Variants in IMPG2 observed in about 807,000 individuals in gnomAD.
IMPG2 encodes the protein IPM 200.
In IMPG2, 91 loss-of-function variants were observed where a neutral mutation model predicts 129.2. The ratio of observed to expected loss-of-function variants is 0.70; its 90% CI spans 0.59 to 0.84. The LOEUF (loss-of-function observed/expected upper bound fraction) is 0.84. Among genes scored for constraint, IMPG2 ranks in the 40% least tolerant of loss-of-function variants. The pLI, the probability that IMPG2 is intolerant of heterozygous loss-of-function variation, is 0.00. For synonymous variants in IMPG2, 510 were observed against 517.7 expected (o/e 0.99, Z 0.20); for missense variants, 1,430 against 1,461.7 (o/e 0.98, Z 0.35).
chr3:101,244,727 G>C lies in IMPG2; in HGVS notation c.1604C>G (p.Ser535Ter), dbSNP rs773283880. 1 of 1,613,840 alleles carries C rather than the reference G, an allele frequency of 6.2e-7. No individual in the cohort carries two copies. The highest frequency in any genetic ancestry group is 8.5e-7 in the Non-Finnish European group (1 of 1,179,926). ...TTCTTTTGGCACAGGTTGAGTGAAT[G>C]AACTTGAAGGCAATGAATCAATAGA... ...FLSIDSLPSS[S>*]FTQPVPKETI... The change falls in exon 13 of 19, where the codon TCA becomes TGA. Residue 535 changes from serine (S) to a stop codon, truncating the protein, a stop_gained. Transcript: ENST00000193391. LOFTEE classifies it high-confidence loss of function.
At position 101,276,678 on chromosome 3, in the gene IMPG2, G is replaced by A; in HGVS notation, c.569C>T (p.Thr190Ile). 3 of 1,608,616 alleles carry A rather than the reference G, an allele frequency of 1.9e-6. No homozygotes were observed. The South Asian group carries it at 3.3e-5, about 18-fold the overall frequency. ...CAAAAGTATACCTCCCAATGTTGAA[G>A]TATCACCAACAGGAACTGGAGAAGA... Reference protein sequence around the residue: ...ELSSPVPVGDTSTLGDTTLSV... With the variant: ...ELSSPVPVGDISTLGDTTLSV... Residue 190 changes from threonine to isoleucine, a missense_variant, in exon 5 of 19, where the codon ACT becomes ATT. Transcript: ENST00000193391.
At position 101,287,341 on chromosome 3, in the gene IMPG2, A is replaced by G. The variant is rs561644341; in HGVS notation, c.533+4138T>C. Among the ~76,000 whole-genome samples, 10 of 152,328 alleles carry G rather than the reference A, an allele frequency of 6.6e-5. No individual in the cohort carries two copies. In the South Asian group the frequency reaches 1.7e-3, roughly 25 times the overall value. On this transcript the variant is annotated intron_variant, in intron 4 of 18. Coordinates refer to ENST00000193391, the MANE Select transcript of IMPG2 (RefSeq NM_016247.4). The stretch of plus-strand genomic sequence containing the variant: ...CAAAGCAATTTACAGATTCAATGCT[A>G]TTCCTATCATACTAGCAATGTCATT...
intron 2 of IMPG2, among the ~76,000 whole-genome samples, chr3:101,305,233 A>G (rs1445850840): frequency 2.6e-5 from 4 of 152,162 alleles, no homozygotes; most frequent in Non-Finnish European, 5.9e-5. Flanking sequence ...AGAGGAAGCC[A>G]ATCTGAAATG....
intron 8 of IMPG2, among the ~76,000 whole-genome samples, 170 bp downstream of exon 8, chr3:101,269,345 A>G (rs1243056441): frequency 2.0e-5 from 3 of 152,130 alleles, no homozygotes; most frequent in Admixed American, 1.3e-4. Context: ...TTCTAACTCA[A>G]TTTTCTCACC....
chr3:101,314,803 A>C (rs2058775736), intron 2 of IMPG2, among the ~76,000 whole-genome samples: 1 of 152,172 alleles, frequency 6.6e-6, no homozygotes, highest in South Asian at 2.1e-4. Flanking sequence ...GACCTAAATA[A>C]ATGGAGGGAT....
At chr3:101,228,904 C>T (rs769544971) in intron 17 of IMPG2, 28 bp from the exon 18 acceptor site, 1 of 1,532,980 alleles carries the variant, frequency 6.5e-7, no homozygotes, top group Non-Finnish European at 9.0e-7. Flanking sequence ...CAATAGGCCA[C>T]ACATTGCATT....
At chr3:101,308,564 G>A (rs1163514174) in intron 2 of IMPG2, among the ~76,000 whole-genome samples, 1 of 152,242 alleles carries the variant, frequency 6.6e-6, no homozygotes, top group Admixed American at 6.5e-5. Context: ...ACCAACTCCA[G>A]AAACTGCATA....
intron 10 of IMPG2, 67 bp downstream of exon 10, chr3:101,257,462 T>C: frequency 6.3e-7 from 1 of 1,579,436 alleles, no homozygotes; most frequent in Non-Finnish European, 8.7e-7. Context: ...TTTCAGGAAA[T>C]TAGTTTACAC....
intron 9 of IMPG2, among the ~76,000 whole-genome samples, chr3:101,261,260 TA>T (rs1023856527): frequency 6.6e-6 from 1 of 151,948 alleles, no homozygotes; most frequent in African/African-American, 2.4e-5. Context: ...GACTCTAAGA[TA>T]AAAAAACTTT....
At chr3:101,317,932 A>C (rs2058793498) in intron 2 of IMPG2, among the ~76,000 whole-genome samples, 2 of 151,818 alleles carry the variant, frequency 1.3e-5, no homozygotes, top group South Asian at 4.1e-4. Context: ...AAATAATATA[A>C]AGTACGGTGA....
At chr3:101,251,381 C>T (rs931735141) in intron 11 of IMPG2, among the ~76,000 whole-genome samples, 7 of 152,098 alleles carry the variant, frequency 4.6e-5, no homozygotes, top group African/African-American at 1.4e-4. Context: ...AAGACCATCC[C>T]TTCCAGGATA....
chr3:101,320,475 T>A lies in IMPG2; in HGVS notation c.-103A>T. 1 of 735,992 alleles carries A rather than the reference T, an allele frequency of 1.4e-6. No individual in the cohort carries two copies. The highest frequency in any genetic ancestry group is 2.4e-6 in the Non-Finnish European group (1 of 412,796). 45.6% of individuals were successfully genotyped at this position (735,992 alleles called of 1,614,324 possible). ...AAGAGTTATAGGAAAGACCTAACATTTAAAAGTCTATGTTTGAGAATGAAC... is the reference window on the plus strand; with the variant it reads ...AAGAGTTATAGGAAAGACCTAACATATAAAAGTCTATGTTTGAGAATGAAC... On this transcript the variant is annotated 5_prime_UTR_variant, in exon 1 of 19. Coordinates refer to ENST00000193391, the MANE Select transcript of IMPG2 (RefSeq NM_016247.4).
At chr3:101,245,420 C>T (rs1373073236) in intron 12 of IMPG2, among the ~76,000 whole-genome samples, 1 of 152,134 alleles carries the variant, frequency 6.6e-6, no homozygotes, top group Non-Finnish European at 1.5e-5. Context: ...GACTTGGCCC[C>T]CACAACTAAT....
chr3:101,286,652 A>C lies in IMPG2; in HGVS notation c.533+4827T>G, dbSNP rs552068940. ...TATATATGCCTCGCATTACCAGTCTAGCTTCCGATGGCATGTGCTGCATTA... is the reference window on the plus strand; with the variant it reads ...TATATATGCCTCGCATTACCAGTCTCGCTTCCGATGGCATGTGCTGCATTA... On this transcript the variant is annotated intron_variant, in intron 4 of 18. Transcript: ENST00000193391. 7.2e-5 allele frequency among the ~76,000 whole-genome samples: 11 copies of C among 152,354 alleles called. No individual in the cohort carries two copies. The East Asian group carries it at 2.1e-3, about 29-fold the overall frequency.
At chr3:101,244,966 A>C (rs547484542) in intron 12 of IMPG2, among the ~76,000 whole-genome samples, 179 bp from the exon 13 acceptor site, 9 of 152,274 alleles carry the variant, frequency 5.9e-5, no homozygotes, top group African/African-American at 2.2e-4. Context: ...GCAATATGGG[A>C]CAGTCACTCA....
intron 2 of IMPG2, 29 bp from the exon 3 acceptor site, chr3:101,304,341 A>C (rs763103877): frequency 6.2e-7 from 1 of 1,601,398 alleles, no homozygotes; most frequent in Non-Finnish European, 8.6e-7. Context: ...TTTTTTTACA[A>C]AAAGCTAACA....
intron 3 of IMPG2, among the ~76,000 whole-genome samples, chr3:101,292,434 A>C (rs1449656762): frequency 6.6e-6 from 1 of 152,234 alleles, no homozygotes; most frequent in Non-Finnish European, 1.5e-5. Context: ...TAGTCTATTA[A>C]AAGTGCAATA....
chr3:101,258,030 A>G (rs1227003523), intron 9 of IMPG2, among the ~76,000 whole-genome samples: 2 of 152,104 alleles, frequency 1.3e-5, no homozygotes, highest in Non-Finnish European at 2.9e-5. Flanking sequence ...TGATCTGAGC[A>G]TCTTCTTCCC....
intron 2 of IMPG2, among the ~76,000 whole-genome samples, chr3:101,308,299 T>A (rs1288610560): frequency 2.6e-5 from 4 of 152,182 alleles, no homozygotes; most frequent in African/African-American, 9.6e-5. Flanking sequence ...CAACCCCACA[T>A]TTCCCTTCCA....
Sources: gnomAD v4.1 joint callset for allele counts (sites outside exome capture counted in the v4.1 genomes callset) on GRCh38, gnomAD v4.1.1 for gene constraint, MANE v1.5 for transcripts, NCBI Gene and HGNC (gene_info 2026-07-23, HGNC 2026-07-21) for gene names.